Variants in LRRC4C observed in about 807,000 individuals in gnomAD.
The protein encoded by LRRC4C is leucine rich repeat containing 4C, also known as leucine-rich repeat-containing protein 4C.
LRRC4C carries 5 observed loss-of-function variants against 33.6 expected under a neutral mutation model. That is an observed-to-expected ratio of 0.15 (90% confidence interval 0.08 to 0.31). LRRC4C has a LOEUF of 0.31. Among genes scored for constraint, LRRC4C ranks in the 10% least tolerant of loss-of-function variants. LRRC4C has a pLI of 1.00. For synonymous variants in LRRC4C, 329 were observed against 302.0 expected, an observed-to-expected ratio of 1.09 and a Z score of -0.93; for missense variants, 560 against 796.7, an observed-to-expected ratio of 0.70 and a Z score of 3.58.
chr11:41,451,768 G>A (rs889692747), intron 1 of LRRC4C, among the ~76,000 whole-genome samples: 1 of 152,220 alleles, frequency 6.6e-6, no homozygotes, highest in African/African-American at 2.4e-5. Context: ...AGAACAGGTT[G>A]ACTGATAATA....
intron 5 of LRRC4C, among the ~76,000 whole-genome samples, chr11:40,241,053 C>T (rs1365509669): frequency 6.6e-6 from 1 of 152,038 alleles, no homozygotes; most frequent in Non-Finnish European, 1.5e-5. Context: ...TTTATAAAAG[C>T]CTTTTGGTTA....
At chr11:40,994,012 G>T (rs1392545697) in intron 1 of LRRC4C, among the ~76,000 whole-genome samples, 1 of 149,630 alleles carries the variant, frequency 6.7e-6, no homozygotes, top group Non-Finnish European at 1.5e-5. Context: ...GCATACTACT[G>T]TTACTTTCGG....
At chr11:41,067,661 G>T (rs1206587327) in intron 1 of LRRC4C, among the ~76,000 whole-genome samples, 2 of 152,136 alleles carry the variant, frequency 1.3e-5, no homozygotes, top group Non-Finnish European at 2.9e-5. Flanking sequence ...CACATAATTG[G>T]AAGTAAAACA....
At chr11:40,563,022 T>C (rs1007808004) in intron 3 of LRRC4C, among the ~76,000 whole-genome samples, 28 of 151,782 alleles carry the variant, frequency 1.8e-4, no homozygotes, top group African/African-American at 6.3e-4. Context: ...TCTCCTCTCC[T>C]CTCCTCTTGA....
intron 3 of LRRC4C, among the ~76,000 whole-genome samples, chr11:40,525,756 A>G (rs961719119): frequency 6.6e-6 from 1 of 152,086 alleles, no homozygotes; most frequent in Non-Finnish European, 1.5e-5. Context: ...GCTGATTTTA[A>G]AAGGCCAATG....
intron 5 of LRRC4C, among the ~76,000 whole-genome samples, chr11:40,174,005 T>C (rs920384537): frequency 1.3e-5 from 2 of 152,162 alleles, no homozygotes; most frequent in Non-Finnish European, 2.9e-5. Flanking sequence ...GAACCAACCT[T>C]GTATAAGTTA....
chr11:40,739,950 A>T (rs1312658677), intron 2 of LRRC4C, among the ~76,000 whole-genome samples: 1 of 151,878 alleles, frequency 6.6e-6, no homozygotes, highest in Non-Finnish European at 1.5e-5. Context: ...ATATACGATT[A>T]TATATTTGTA....
chr11:41,226,825 C>G (rs1394259864), intron 1 of LRRC4C, among the ~76,000 whole-genome samples: 2 of 151,588 alleles, frequency 1.3e-5, no homozygotes, highest in Non-Finnish European at 2.9e-5. Flanking sequence ...CACAATCAAA[C>G]TACTTAAAAT....
At chr11:40,248,237 T>C (rs1866500586) in intron 4 of LRRC4C, among the ~76,000 whole-genome samples, 1 of 152,166 alleles carries the variant, frequency 6.6e-6, no homozygotes, top group Non-Finnish European at 1.5e-5. Context: ...CTCAGTTCTC[T>C]CTCCTTTGAG....
intron 1 of LRRC4C, among the ~76,000 whole-genome samples, chr11:41,330,417 T>C (rs1196377116): frequency 6.6e-6 from 1 of 152,216 alleles, no homozygotes; most frequent in Non-Finnish European, 1.5e-5. Flanking sequence ...ACAATTTTTC[T>C]TTAATTTAAA....
At chr11:40,422,996 C>T (rs1272392167) in intron 3 of LRRC4C, among the ~76,000 whole-genome samples, 4 of 152,056 alleles carry the variant, frequency 2.6e-5, no homozygotes, top group Admixed American at 2.0e-4. Context: ...AAACTCATCA[C>T]TTTGTAATTA....
intron 1 of LRRC4C, among the ~76,000 whole-genome samples, chr11:41,351,248 C>A (rs964151506): frequency 2.3e-5 from 2 of 88,744 alleles, no homozygotes; most frequent in African/African-American, 6.6e-5. Context: ...CACACACACA[C>A]ACATACACAC....
rs563951782 is a variant in LRRC4C at position 40,927,494 on chromosome 11, A to G, written c.-407+6141T>C. Among the ~76,000 whole-genome samples the G allele has an allele frequency of 9.2e-5, 14 of 152,346 alleles. No individual in the cohort carries two copies. In the South Asian group the frequency reaches 1.2e-3, roughly 14 times the overall value. On this transcript the variant is annotated intron_variant, in intron 2 of 6. Transcript: ENST00000528697. ...AGTTTGTGGTACCAATAAACCCTAC[A>G]GATTCTTTCTGAGTTGCCAAGAAAG...
chr11:40,905,180 C>T (rs1956366142), intron 2 of LRRC4C, among the ~76,000 whole-genome samples: 1 of 152,138 alleles, frequency 6.6e-6, no homozygotes, highest in African/African-American at 2.4e-5. Flanking sequence ...AAACCCCAAA[C>T]TTGATTGTAC....
At chr11:40,684,288 A>T (rs1239165342) in intron 2 of LRRC4C, among the ~76,000 whole-genome samples, 1 of 152,142 alleles carries the variant, frequency 6.6e-6, no homozygotes, top group Non-Finnish European at 1.5e-5. Context: ...TTTAAAAAAG[A>T]ATCAAATAAA....
At chr11:40,164,707 G>A (rs960849122) in intron 5 of LRRC4C, among the ~76,000 whole-genome samples, 2 of 152,182 alleles carry the variant, frequency 1.3e-5, no homozygotes, top group Non-Finnish European at 2.9e-5. Flanking sequence ...AGGGAAGGGG[G>A]TCGGGGACGA....
chr11:40,873,492 T>A (rs937956446), intron 2 of LRRC4C, among the ~76,000 whole-genome samples: 8 of 152,252 alleles, frequency 5.3e-5, no homozygotes, highest in African/African-American at 1.9e-4. Flanking sequence ...CCTTCCTCTA[T>A]CACTGGACCT....
intron 5 of LRRC4C, among the ~76,000 whole-genome samples, chr11:40,234,919 T>A (rs918581121): frequency 6.6e-6 from 1 of 152,194 alleles, no homozygotes; most frequent in African/African-American, 2.4e-5. Flanking sequence ...GCCCTATAGG[T>A]AGAGACACAA....
intron 6 of LRRC4C, among the ~76,000 whole-genome samples, chr11:40,126,879 G>T (rs2134738853): frequency 6.6e-6 from 1 of 152,010 alleles, no homozygotes; most frequent in Non-Finnish European, 1.5e-5. Context: ...AGAATAGCTT[G>T]AACCCAGGAG....
Sources: allele counts gnomAD v4.1 joint callset (sites outside exome capture counted in the v4.1 genomes callset), GRCh38; gene constraint gnomAD v4.1.1; transcripts MANE v1.5; gene names NCBI Gene and HGNC (gene_info 2026-07-23, HGNC 2026-07-21).